Variants in CCSER1 observed in about 807,000 individuals in gnomAD.
CCSER1 encodes serine-rich coiled-coil domain-containing protein 1.
Under a neutral mutation model 82.0 loss-of-function variants are expected in CCSER1, and 41 were observed. The ratio of observed to expected loss-of-function variants is 0.50; its 90% confidence interval spans 0.39 to 0.65. The LOEUF (loss-of-function observed/expected upper bound fraction) is 0.65, where lower values mean the gene tolerates loss of function less well. Among genes scored for constraint, CCSER1 ranks in the 30% least tolerant of loss-of-function variants. The pLI, the probability that CCSER1 is intolerant of heterozygous loss-of-function variation, is 0.00. For synonymous variants in CCSER1, 414 were observed against 383.9 expected, an observed-to-expected ratio of 1.08 and a Z score of -0.92; for missense variants, 1,119 against 1,064.2, an observed-to-expected ratio of 1.05 and a Z score of -0.72.
intron 10 of CCSER1, among the ~76,000 whole-genome samples, chr4:91,229,503 A>G (rs969776927): frequency 2.0e-5 from 3 of 152,106 alleles, no homozygotes; most frequent in Admixed American, 2.0e-4. Flanking sequence ...AAAAAATTTG[A>G]TTTCTCATTC....
chr4:90,924,946 C>G (rs140140478), intron 9 of CCSER1, among the ~76,000 whole-genome samples: 2 of 152,092 alleles, frequency 1.3e-5, no homozygotes, highest in African/African-American at 4.8e-5. Context: ...AGGTTAGTCT[C>G]GAACTCCTTA....
chr4:90,202,854 T>A lies in CCSER1; in HGVS notation c.-42+75023T>A, dbSNP rs759353232. ...TTTTCGTGAACCACAGCTGCTTATG[T>A]GATTTCTAATGGCTCATATAAATTG... On this transcript the variant is annotated intron_variant, in intron 1 of 10. Transcript: ENST00000509176. Among the ~76,000 whole-genome samples, 10 of 152,220 alleles carry A rather than the reference T, an allele frequency of 6.6e-5. 1 individual carries two copies. Among genetic ancestry groups the A allele is most frequent in the Non-Finnish European group, 1.3e-4 (9 of 68,042 alleles).
chr4:90,722,613 G>A (rs1433081098), intron 6 of CCSER1, among the ~76,000 whole-genome samples: 1 of 151,782 alleles, frequency 6.6e-6, no homozygotes, highest in Non-Finnish European at 1.5e-5. Context: ...ACTTCCTTTA[G>A]TAGATTATTG....
chr4:91,243,108 G>A (rs542269148), intron 10 of CCSER1, among the ~76,000 whole-genome samples: 1 of 152,178 alleles, frequency 6.6e-6, no homozygotes, highest in Non-Finnish European at 1.5e-5. Flanking sequence ...GAGGGAGACT[G>A]TGGTGACCAG....
chr4:91,232,038 GA>G (rs1357763234), intron 10 of CCSER1, among the ~76,000 whole-genome samples: 1 of 151,922 alleles, frequency 6.6e-6, no homozygotes, highest in Non-Finnish European at 1.5e-5. Context: ...CAAAAATATG[GA>G]GAGAAATAGC....
At chr4:91,431,184 G>A (rs142137692) in intron 10 of CCSER1, among the ~76,000 whole-genome samples, 3 of 152,168 alleles carry the variant, frequency 2.0e-5, no homozygotes, top group Middle Eastern at 3.4e-3. Context: ...TAGAGTGAGC[G>A]GAGATGGCGC....
chr4:90,977,907 C>T (rs1267143570), intron 9 of CCSER1, among the ~76,000 whole-genome samples: 1 of 151,522 alleles, frequency 6.6e-6, no homozygotes, highest in Admixed American at 6.6e-5. Context: ...CTATAATATT[C>T]TCAATTCCTT....
At chr4:90,672,784 A>G (rs1733050326) in intron 6 of CCSER1, among the ~76,000 whole-genome samples, 1 of 151,996 alleles carries the variant, frequency 6.6e-6, no homozygotes, top group Non-Finnish European at 1.5e-5. Flanking sequence ...CCATTGTAGC[A>G]TGATTAATTG....
At chr4:90,573,980 C>T (rs753332974) in intron 5 of CCSER1, among the ~76,000 whole-genome samples, 8 of 151,108 alleles carry the variant, frequency 5.3e-5, no homozygotes, top group South Asian at 2.1e-4. Flanking sequence ...ATTCTGTGTA[C>T]GACACAGTAT....
At chr4:90,625,957 T>C (rs544971313) in intron 5 of CCSER1, among the ~76,000 whole-genome samples, 12 of 152,308 alleles carry the variant, frequency 7.9e-5, no homozygotes, top group Non-Finnish European at 1.0e-4. Flanking sequence ...TTCACACGAA[T>C]ATGATTCCTG....
intron 6 of CCSER1, among the ~76,000 whole-genome samples, chr4:90,699,903 T>C (rs1409462387): frequency 6.6e-6 from 1 of 151,914 alleles, no homozygotes; most frequent in Non-Finnish European, 1.5e-5. Context: ...TGTGAGCGCA[T>C]AGCTAGCAGG....
At chr4:90,271,864 T>TA (rs1560920274) in intron 1 of CCSER1, among the ~76,000 whole-genome samples, 22 of 28,516 alleles carry the variant, frequency 7.7e-4, no homozygotes, top group East Asian at 1.6e-3. Context: ...ATATATATAT[T>TA]TTTTTTTTTT....
At chr4:90,207,434 A>G (rs1157948430) in intron 1 of CCSER1, among the ~76,000 whole-genome samples, 2 of 152,152 alleles carry the variant, frequency 1.3e-5, no homozygotes, top group Non-Finnish European at 2.9e-5. Context: ...GCATTGGGTT[A>G]GAACATGCTC....
intron 3 of CCSER1, among the ~76,000 whole-genome samples, chr4:90,340,910 A>G (rs1464727954): frequency 6.6e-6 from 1 of 152,128 alleles, no homozygotes; most frequent in Non-Finnish European, 1.5e-5. Context: ...AACATTTAAA[A>G]GTTAACCTAA....
At chr4:90,848,974 C>T (rs980055047) in intron 8 of CCSER1, among the ~76,000 whole-genome samples, 1 of 152,250 alleles carries the variant, frequency 6.6e-6, no homozygotes, top group Admixed American at 6.5e-5. Flanking sequence ...CCATGCAGAA[C>T]TGTGAGTCAA....
At chr4:90,151,819 A>T (rs1726921228) in intron 1 of CCSER1, among the ~76,000 whole-genome samples, 1 of 152,158 alleles carries the variant, frequency 6.6e-6, no homozygotes, top group Non-Finnish European at 1.5e-5. Flanking sequence ...TTACATTTAC[A>T]CAGTGAAAGA....
At chr4:90,260,829 C>T (rs1324486065) in intron 1 of CCSER1, among the ~76,000 whole-genome samples, 1 of 152,178 alleles carries the variant, frequency 6.6e-6, no homozygotes, top group African/African-American at 2.4e-5. Flanking sequence ...AATTTTCCTG[C>T]CTCAGCCTCC....
At chr4:91,301,082 T>C (rs1025717834) in intron 10 of CCSER1, among the ~76,000 whole-genome samples, 9 of 151,908 alleles carry the variant, frequency 5.9e-5, no homozygotes, top group Non-Finnish European at 1.2e-4. Context: ...CATTTGTACA[T>C]TATGCATACA....
chr4:90,789,010 AC>A (rs1191751507), intron 7 of CCSER1, among the ~76,000 whole-genome samples: 1 of 37,014 alleles, frequency 2.7e-5, no homozygotes, highest in Non-Finnish European at 5.8e-5. Flanking sequence ...TAACACATAC[AC>A]ACACACACAC....
Sources: gnomAD v4.1 joint callset for allele counts (sites outside exome capture counted in the v4.1 genomes callset) on GRCh38, gnomAD v4.1.1 for gene constraint, MANE v1.5 for transcripts, NCBI Gene and HGNC (gene_info 2026-07-23, HGNC 2026-07-21) for gene names.